PRKCA: variants seen among roughly 807,000 people sequenced by gnomAD.
The protein encoded by PRKCA is protein kinase C alpha type.
A neutral mutation model predicts 87.0 loss-of-function variants in PRKCA; 27 were observed. The observed-to-expected ratio is 0.31, with a 90% CI of 0.23 to 0.43. The LOEUF is 0.43. Among genes scored for constraint, PRKCA ranks in the 20% least tolerant of loss-of-function variants. The pLI is 1.00. For missense variants in PRKCA, 518 were observed against 852.3 expected (o/e 0.61, Z 4.88); for synonymous variants, 329 against 311.1 (o/e 1.06, Z -0.61).
At chr17:66,526,176 A>G (rs1270461928) in intron 3 of PRKCA, among the ~76,000 whole-genome samples, 1 of 152,268 alleles carries the variant, frequency 6.6e-6, no homozygotes, top group African/African-American at 2.4e-5. Context: ...AATTAAATAT[A>G]TAGCTGAAAT....
chr17:66,399,205 C>A (rs1910874415), intron 2 of PRKCA, among the ~76,000 whole-genome samples: 1 of 149,416 alleles, frequency 6.7e-6, no homozygotes, highest in Admixed American at 6.7e-5. Flanking sequence ...CTCAGTTGAT[C>A]CTCCCATCTC....
At chr17:66,462,925 AACACACACACACACACAC>A (rs58085398) in intron 2 of PRKCA, among the ~76,000 whole-genome samples, 46,961 of 147,602 alleles carry the variant, frequency 0.32, 7,704 homozygotes, top group Middle Eastern at 0.39. Context: ...CACACATGCA[AACACACACACACACACAC>A]ACACACACAC....
chr17:66,604,851 C>T lies in PRKCA; in HGVS notation c.289-36504C>T, dbSNP rs188969476. Among the ~76,000 whole-genome samples, 431 of 152,260 alleles carry T rather than the reference C, an allele frequency of 2.8e-3. 1 individual carries two copies. The highest frequency in any genetic ancestry group is 4.9e-3 in the Non-Finnish European group (331 of 68,014). ...CTAGGATTTAGTAAACCTTTAACCA[C>T]CAAGAGACTGGACTTGGGGGTGCGT... On this transcript the variant is annotated intron_variant, in intron 3 of 16. Coordinates refer to ENST00000413366, the MANE Select transcript of PRKCA (RefSeq NM_002737.3).
intron 2 of PRKCA, among the ~76,000 whole-genome samples, chr17:66,469,095 G>T (rs1023216071): frequency 6.6e-6 from 1 of 152,076 alleles, no homozygotes; most frequent in African/African-American, 2.4e-5. Flanking sequence ...AAATGCAAAC[G>T]AGGCTCCATG....
intron 3 of PRKCA, among the ~76,000 whole-genome samples, chr17:66,583,487 A>G (rs1222764683): frequency 1.3e-5 from 2 of 152,064 alleles, no homozygotes; most frequent in Non-Finnish European, 2.9e-5. Flanking sequence ...GTCACAGTTA[A>G]TGGTCAGTTT....
At chr17:66,536,577 C>T (rs537911160) in intron 3 of PRKCA, among the ~76,000 whole-genome samples, 2 of 152,316 alleles carry the variant, frequency 1.3e-5, no homozygotes, top group Middle Eastern at 6.8e-3. Context: ...GGCCATGTAA[C>T]CTTGGGCTTC....
chr17:66,660,778 G>C (rs141979391), intron 5 of PRKCA, among the ~76,000 whole-genome samples: 18 of 151,910 alleles, frequency 1.2e-4, no homozygotes, highest in Non-Finnish European at 1.8e-4. Context: ...GTGTGGTGGC[G>C]GGCGCCTGTA....
intron 2 of PRKCA, among the ~76,000 whole-genome samples, chr17:66,361,768 T>A (rs548520858): frequency 6.6e-6 from 1 of 152,370 alleles, no homozygotes; most frequent in South Asian, 2.1e-4. Flanking sequence ...AAATCAGATG[T>A]ACTTGTCCTA....
intron 16 of PRKCA, among the ~76,000 whole-genome samples, chr17:66,798,395 G>C (rs1471817157): frequency 1.3e-4 from 13 of 99,094 alleles, no homozygotes; most frequent in Non-Finnish European, 2.4e-4. Flanking sequence ...GGTGGTGGTG[G>C]TGGTGGTGGT....
rs1491585607 is a variant in PRKCA at position 66,578,135 on chromosome 17, T to TAA, written c.289-63217_289-63216dup. Among the ~76,000 whole-genome samples the TAA allele has an allele frequency of 1.1e-4, 15 of 140,444 alleles. 1 individual carries two copies. The highest frequency in any genetic ancestry group is 1.1e-4 in the African/African-American group (4 of 36,688). The allele number at this position is 140,444 out of a possible 152,430, so 92.1% of individuals were successfully genotyped here. A position where few individuals can be genotyped will look rare whatever the true frequency, so the allele number is the denominator to read the frequency against. On this transcript the variant is annotated intron_variant, in intron 3 of 16. Transcript: ENST00000413366. Reference sequence around the variant, plus strand: ...CAGCCAGCTAACGAGAGACTGAATTTAAAACAAAACAAAACAAAACAAAAC... The same window carrying TAA: ...CAGCCAGCTAACGAGAGACTGAATTTAAAAAACAAAACAAAACAAAACAAAAC...
chr17:66,455,178 C>G (rs187390193), intron 2 of PRKCA, among the ~76,000 whole-genome samples: 81 of 152,318 alleles, frequency 5.3e-4, no homozygotes, highest in Non-Finnish European at 2.5e-4. Flanking sequence ...TGTTCTTATT[C>G]TCCCCACGAA....
At position 66,805,323 on chromosome 17, in the gene PRKCA, T is replaced by A. The variant is rs1976006759; in HGVS notation, c.*1286T>A. On this transcript the variant is annotated 3_prime_UTR_variant, in exon 17 of 17. Coordinates refer to ENST00000413366, the MANE Select transcript of PRKCA (RefSeq NM_002737.3). Reference sequence around the variant, plus strand: ...TAAACCTTAATAACAAGTGAATCTATATTATTGATATAATCGTATCAAGTA... The same window carrying A: ...TAAACCTTAATAACAAGTGAATCTAAATTATTGATATAATCGTATCAAGTA... The A allele has an allele frequency of 5.9e-6, 1 of 168,494 alleles. No individual in the cohort carries two copies. The allele number at this position is 168,494 out of a possible 1,614,324, so 10.4% of individuals were successfully genotyped here. A position where few individuals can be genotyped will look rare whatever the true frequency, so the allele number is the denominator to read the frequency against.
rs1181146279 is a variant in PRKCA, at chr17:66,687,225, T to A, written c.644T>A (p.Ile215Asn). The change falls in exon 6 of 17, where the codon ATC becomes AAC. Residue 215 changes from isoleucine to asparagine, a missense_variant. Ile to Asn is a moderately radical substitution (Grantham distance 149). Coordinates refer to ENST00000413366, the MANE Select transcript of PRKCA (RefSeq NM_002737.3). The part of the protein sequence containing the change: ...KNESKQKTKT[I>N]RSTLNPQWNE... ...GAAAGCAAGCAAAAAACCAAAACCA[T>A]CCGCTCCACACTAAATCCGCAGTGG... is the stretch of plus-strand genomic sequence containing the variant. 6.2e-7 allele frequency: 1 copy of A among 1,614,058 alleles called. No homozygotes were observed. Among genetic ancestry groups the A allele is most frequent in the Admixed American group, 1.7e-5 (1 of 60,008 alleles).
At position 66,455,325 on chromosome 17, in the gene PRKCA, C is replaced by G. The variant is rs191952029; in HGVS notation, c.206-40876C>G. 1.5e-3 allele frequency among the ~76,000 whole-genome samples: 229 copies of G among 152,278 alleles called. 1 individual carries two copies. Among genetic ancestry groups the G allele is most frequent in the African/African-American group, 5.1e-3 (213 of 41,558 alleles). The stretch of plus-strand genomic sequence containing the variant: ...ATGTGCTTGAAAAAATAAAGGGCCT[C>G]TTATCGCCACACAGCTGCCACGAAA... On this transcript the variant is annotated intron_variant, in intron 2 of 16. Coordinates refer to ENST00000413366, the MANE Select transcript of PRKCA (RefSeq NM_002737.3).
chr17:66,557,496 G>A (rs1414946774), intron 3 of PRKCA, among the ~76,000 whole-genome samples: 1 of 151,520 alleles, frequency 6.6e-6, no homozygotes, highest in African/African-American at 2.4e-5. Flanking sequence ...GTCTTAAAAT[G>A]TCTCAAGAAA....
chr17:66,336,817 T>G (rs1305860101), intron 2 of PRKCA, among the ~76,000 whole-genome samples: 1 of 150,566 alleles, frequency 6.6e-6, no homozygotes, highest in African/African-American at 2.4e-5. Context: ...AGACGGAGTT[T>G]CGCTCTTGTT....
chr17:66,779,041 C>T (rs576029306), intron 14 of PRKCA, among the ~76,000 whole-genome samples: 1 of 152,264 alleles, frequency 6.6e-6, no homozygotes, highest in South Asian at 2.1e-4. Flanking sequence ...GGCTGTCACT[C>T]AGCTCAGAAA....
chr17:66,796,647 A>C (rs1975677139), intron 16 of PRKCA: 1 of 984,994 alleles, frequency 1.0e-6, no homozygotes, highest in African/African-American at 1.8e-5. Flanking sequence ...CAATGGCCAG[A>C]CCCCTTTGCT....
At chr17:66,584,234 G>GT (rs1277813660) in intron 3 of PRKCA, among the ~76,000 whole-genome samples, 1 of 151,806 alleles carries the variant, frequency 6.6e-6, no homozygotes, top group East Asian at 1.9e-4. Context: ...TTTTGTTTTT[G>GT]TTTTTTCGAT....
Sources: gnomAD v4.1 joint callset for allele counts (sites outside exome capture counted in the v4.1 genomes callset) on GRCh38, gnomAD v4.1.1 for gene constraint, MANE v1.5 for transcripts, NCBI Gene and HGNC (gene_info 2026-07-23, HGNC 2026-07-21) for gene names.